ASPM: variants seen among roughly 807,000 people sequenced by gnomAD.
ASPM encodes assembly factor for spindle microtubules.
In ASPM, 256 loss-of-function variants were observed where a neutral mutation model predicts 366.4. That is an observed-to-expected ratio of 0.70 (90% CI 0.63 to 0.77). ASPM has a LOEUF of 0.77. ASPM is among the 30% of genes least tolerant of loss of function. The pLI, the probability that ASPM is intolerant of heterozygous loss-of-function variation, is 0.00. For synonymous variants in ASPM, 1,414 were observed against 1,342.9 expected, an observed-to-expected ratio of 1.05 and a Z score of -1.16; for missense variants, 4,146 against 4,090.4, an observed-to-expected ratio of 1.01 and a Z score of -0.37.
At chr1:197,115,086 C>T (rs1657703718) in intron 17 of ASPM, among the ~76,000 whole-genome samples, 1 of 152,090 alleles carries the variant, frequency 6.6e-6, no homozygotes, top group South Asian at 2.1e-4. Flanking sequence ...CTTTGTTGCC[C>T]AGGCTGATCT....
At chr1:197,142,006 A>G (rs1658598457) in intron 3 of ASPM, among the ~76,000 whole-genome samples, 1 of 152,152 alleles carries the variant, frequency 6.6e-6, no homozygotes, top group Non-Finnish European at 1.5e-5. Context: ...TCGACCTTTC[A>G]GTGGTTTATT....
rs1657354520 is a variant in ASPM at position 197,104,744 on chromosome 1, C to T, written c.4507G>A (p.Ala1503Thr). ...IIQKRFRCFQ[A>T]QKLYKRRKES... ...TTTCTTCTTTTATATAACTTTTGGG[C>T]TTGAAAGCACCGAAATCTTTTCTGA... Residue 1503 changes from alanine to threonine, a missense_variant, in exon 18 of 28, where the codon GCC becomes ACC. Around this residue, in one of 3 missense-constraint regions of ASPM, gnomAD observed 3,624 missense variants for 3,591.7 expected, o/e 1.01. Coordinates refer to ENST00000367409, the MANE Select transcript of ASPM (RefSeq NM_018136.5). 3.7e-6 allele frequency: 6 copies of T among 1,603,486 alleles called. No homozygotes were observed. Among genetic ancestry groups the T allele is most frequent in the Non-Finnish European group, 5.1e-6 (6 of 1,176,116 alleles).
intron 4 of ASPM, chr1:197,139,210 CT>C (rs1161504780): frequency 1.1e-6 from 1 of 937,530 alleles, no homozygotes; most frequent in African/African-American, 1.7e-5. Flanking sequence ...TCATTTTCCA[CT>C]TGGAAAACTC....
chr1:197,121,771 C>T, intron 16 of ASPM, 144 bp downstream of exon 16: 2 of 1,041,496 alleles, frequency 1.9e-6, no homozygotes, highest in Non-Finnish European at 2.8e-6. Context: ...CATACCTCCC[C>T]AACCCAAAAT....
chr1:197,090,361 T>C lies in ASPM; in HGVS notation c.9664A>G (p.Lys3222Glu). 1 of 1,611,386 alleles carries C rather than the reference T, an allele frequency of 6.2e-7. No homozygotes were observed. The highest frequency in any genetic ancestry group is 8.5e-7 in the Non-Finnish European group (1 of 1,178,466). Reference protein sequence around the residue: ...QALWRGYSWRKKNDCTKIKAI... With the variant: ...QALWRGYSWREKNDCTKIKAI... The stretch of plus-strand genomic sequence containing the variant: ...TTAATTTTTGTACAATCATTTTTCT[T>C]CCTCCAAGAATAGCCTCTCCATAAT... Residue 3222 changes from lysine (K) to glutamate (E), a missense_variant, in exon 24 of 28, where the codon AAG becomes GAG. This residue lies in a region of ASPM where 3,624 missense variants were observed against 3,591.7 expected (regional missense o/e 1.01). Transcript: ENST00000367409.
At chr1:197,138,107 G>C (rs1658475364) in intron 4 of ASPM, among the ~76,000 whole-genome samples, 2 of 152,120 alleles carry the variant, frequency 1.3e-5, no homozygotes, top group Non-Finnish European at 2.9e-5. Context: ...AAATGTAAAA[G>C]TCACTACTGG....
intron 17 of ASPM, among the ~76,000 whole-genome samples, chr1:197,108,675 A>C (rs1435463615): frequency 1.3e-5 from 2 of 152,118 alleles, no homozygotes; most frequent in African/African-American, 4.8e-5. Context: ...ATACAAATTT[A>C]AAAAACAGAA....
intron 3 of ASPM, among the ~76,000 whole-genome samples, chr1:197,140,257 G>A (rs1331752640): frequency 2.0e-5 from 3 of 152,340 alleles, no homozygotes; most frequent in East Asian, 1.9e-4. Flanking sequence ...CTTCCCAGAT[G>A]GGAATCTACT....
rs557081163 is a variant in ASPM at position 197,093,131 on chromosome 1, T to G, written c.9215A>C (p.Glu3072Ala). The G allele has an allele frequency of 6.2e-7, 1 of 1,612,534 alleles. No homozygotes were observed. Among genetic ancestry groups the G allele is most frequent in the East Asian group, 2.2e-5 (1 of 44,802 alleles). The change falls in exon 21 of 28, where the codon GAA (glutamate) becomes GCA (alanine). Residue 3072 changes from glutamate to alanine, a missense_variant. Glu to Ala is a moderately radical substitution (Grantham distance 107). Coordinates refer to ENST00000367409, the MANE Select transcript of ASPM (RefSeq NM_018136.5). ...TTTAAATTCAATATATTTTATCCTT[T>G]CATGCTTTCCAGCCTCCCTGGCTCG... ...YIRAREAGKH[E>A]RIKYIEFKKS...
At position 197,143,264 on chromosome 1, in the gene ASPM, T is replaced by C; in HGVS notation, c.988A>G (p.Asn330Asp). ...AGACATGTTACTAATTCTAGTTCAT[T>C]ATTAGCTCCATGACTATTATTTACA... Reference protein sequence around the residue: ...SFVNNSHGANNELELVTCLSS... With the variant: ...SFVNNSHGANDELELVTCLSS... Residue 330 changes from asparagine (N) to aspartate (D), a missense_variant, in exon 3 of 28, where the codon AAT becomes GAT. Physicochemically the swap from Asn to Asp is conservative, Grantham distance 23. This residue lies in a region of ASPM where 512 missense variants were observed against 471.7 expected (regional missense o/e 1.09). Coordinates refer to ENST00000367409, the MANE Select transcript of ASPM (RefSeq NM_018136.5). The C allele has an allele frequency of 6.2e-7, 1 of 1,612,632 alleles. No individual in the cohort carries two copies. The highest frequency in any genetic ancestry group is 1.7e-4 in the Middle Eastern group (1 of 6,058).
chr1:197,131,678 C>T (rs1392851927), intron 7 of ASPM, among the ~76,000 whole-genome samples: 1 of 151,946 alleles, frequency 6.6e-6, no homozygotes, highest in Non-Finnish European at 1.5e-5. Context: ...CCTGCCTCAG[C>T]CTCCCAAGTA....
intron 5 of ASPM, among the ~76,000 whole-genome samples, chr1:197,134,594 C>A (rs934181792): frequency 1.3e-5 from 2 of 152,202 alleles, no homozygotes; most frequent in Non-Finnish European, 2.9e-5. Flanking sequence ...CCTATAATTT[C>A]TAAGCAAGAG....
rs569789605 is a variant in ASPM, at chr1:197,140,740, G to T, written c.1922-869C>A. ...CAGTATGGACAATGGAATGAACAGG[G>T]TCAAGATTAGAAACAGAAAATTACA... On this transcript the variant is annotated intron_variant, in intron 3 of 27. Coordinates refer to ENST00000367409, the MANE Select transcript of ASPM (RefSeq NM_018136.5). 2.3e-4 allele frequency among the ~76,000 whole-genome samples: 35 copies of T among 152,242 alleles called. 1 individual carries two copies. The highest frequency in any genetic ancestry group is 8.4e-4 in the African/African-American group (35 of 41,552).
intron 17 of ASPM, among the ~76,000 whole-genome samples, chr1:197,113,777 C>T (rs1657659335): frequency 6.6e-6 from 1 of 152,072 alleles, no homozygotes; most frequent in African/African-American, 2.4e-5. Flanking sequence ...TATAAATCCA[C>T]AAGAAGGCAA....
intron 10 of ASPM, among the ~76,000 whole-genome samples, chr1:197,126,143 T>A (rs908866430): frequency 6.6e-6 from 1 of 152,098 alleles, no homozygotes; most frequent in Non-Finnish European, 1.5e-5. Flanking sequence ...TGTAAAAGCA[T>A]AAAAATGGGC....
rs186632422 is a variant in ASPM, at chr1:197,112,734, C to A, written c.4065+5055G>T. 4.7e-4 allele frequency among the ~76,000 whole-genome samples: 72 copies of A among 152,204 alleles called. 1 individual carries two copies. The highest frequency in any genetic ancestry group is 4.2e-3 in the Admixed American group (64 of 15,262). On this transcript the variant is annotated intron_variant, in intron 17 of 27. Transcript: ENST00000367409. ...CTTCCTGCCTTTGTCTCAAGTTATC[C>A]TGACTTTCCAGACTAAACCAATGTA...
intron 8 of ASPM, 144 bp from the exon 9 acceptor site, chr1:197,129,461 T>A (rs1658195844): frequency 1.2e-6 from 1 of 843,922 alleles, no homozygotes; most frequent in Non-Finnish European, 1.9e-6. Flanking sequence ...GTGCCTTTTT[T>A]AGTGCTTTAT....
intron 17 of ASPM, among the ~76,000 whole-genome samples, chr1:197,108,992 A>T (rs928538573): frequency 1.3e-5 from 2 of 151,064 alleles, no homozygotes; most frequent in African/African-American, 4.9e-5. Context: ...AAAAAAAAAA[A>T]AGTCCAGAGA....
At chr1:197,139,911 A>G (rs1303736283) in intron 3 of ASPM, 40 bp from the exon 4 acceptor site, 1 of 1,419,344 alleles carries the variant, frequency 7.0e-7, no homozygotes, top group East Asian at 2.3e-5. Flanking sequence ...GCATTAAAAT[A>G]CAAATTCCCT....
Sources: gnomAD v4.1 joint callset for allele counts (sites outside exome capture counted in the v4.1 genomes callset) on GRCh38, gnomAD v4.1.1 for gene constraint, gnomAD v4.1.1 regional missense constraint, MANE v1.5 for transcripts, NCBI Gene and HGNC (gene_info 2026-07-23, HGNC 2026-07-21) for gene names.